CAB39L: variants seen among roughly 807,000 people sequenced by gnomAD.
CAB39L encodes calcium binding protein 39 like.
CAB39L carries 23 observed loss-of-function variants against 39.1 expected under a neutral mutation model. That is an observed-to-expected ratio of 0.59 (90% confidence interval 0.42 to 0.83). CAB39L has a LOEUF of 0.83. Ranked by LOEUF, CAB39L falls within the 40% of genes least tolerant of loss-of-function variation. The pLI is 0.00. For synonymous variants in CAB39L, 126 were observed against 137.2 expected, an observed-to-expected ratio of 0.92 and a Z score of 0.57; for missense variants, 366 against 391.9, an observed-to-expected ratio of 0.93 and a Z score of 0.56.
chr13:49,346,269 C>A (rs1955172755), intron 7 of CAB39L, among the ~76,000 whole-genome samples: 1 of 145,200 alleles, frequency 6.9e-6, no homozygotes, highest in Non-Finnish European at 1.5e-5. Flanking sequence ...TACATACACA[C>A]AGGCTTATGT....
rs1956103939 is a variant in CAB39L at position 49,377,429 on chromosome 13, C to T, written c.112-298G>A. ...TCCCTCTCCCTCTGTCTCCCTCTCCCCACGGTCTCCCTCTCATGCGGAGCC... is the reference window on the plus strand; with the variant it reads ...TCCCTCTCCCTCTGTCTCCCTCTCCTCACGGTCTCCCTCTCATGCGGAGCC... On this transcript the variant is annotated intron_variant, in intron 4 of 10. Transcript: ENST00000409308. Among the ~76,000 whole-genome samples the T allele has an allele frequency of 2.1e-5, 2 of 96,444 alleles. 1 individual carries two copies. The highest frequency in any genetic ancestry group is 4.2e-5 in the Non-Finnish European group (2 of 47,616). The allele number at this position is 96,444 out of a possible 152,430, so 63.3% of individuals were successfully genotyped here.
In CAB39L at chr13:49,444,035, C is replaced by T. The variant is rs1324831728; in HGVS notation, c.-295G>A. Reference sequence around the variant, plus strand: ...TCCAGTGATGCCGGCCTCTCGACTACGAGTAACTCCATTGGCTCAGCTACA... The same window carrying T: ...TCCAGTGATGCCGGCCTCTCGACTATGAGTAACTCCATTGGCTCAGCTACA... On this transcript the variant is annotated 5_prime_UTR_variant, in exon 1 of 11. Transcript: ENST00000409308. The T allele has an allele frequency of 4.4e-6, 2 of 456,330 alleles. No individual in the cohort carries two copies. Among genetic ancestry groups the T allele is most frequent in the South Asian group, 3.1e-5 (2 of 64,530 alleles). 28.3% of individuals were successfully genotyped at this position (456,330 alleles called of 1,614,324 possible).
intron 7 of CAB39L, among the ~76,000 whole-genome samples, chr13:49,346,116 T>TATGCTAGATATATATATATATATGCTAG: frequency 3.5e-5 from 2 of 56,854 alleles, no homozygotes; most frequent in African/African-American, 7.9e-5. Context: ...TATATATATA[T>TATGCTAGATATATATATATATATGCTAG]ATATATATCA....
chr13:49,370,048 C>T (rs1472835676), intron 5 of CAB39L, among the ~76,000 whole-genome samples: 3 of 151,900 alleles, frequency 2.0e-5, no homozygotes, highest in African/African-American at 7.2e-5. Flanking sequence ...TGGTGTGTTG[C>T]GGGGGAGTTG....
At chr13:49,356,467 C>T (rs1684008262) in intron 6 of CAB39L, among the ~76,000 whole-genome samples, 1 of 152,064 alleles carries the variant, frequency 6.6e-6, no homozygotes, top group Non-Finnish European at 1.5e-5. Context: ...TGAGTAAGTC[C>T]TTATTTATAA....
At chr13:49,358,441 A>C (rs1295617616) in intron 6 of CAB39L, among the ~76,000 whole-genome samples, 2 of 152,230 alleles carry the variant, frequency 1.3e-5, no homozygotes, top group Admixed American at 6.5e-5. Context: ...AAAATTGATA[A>C]GTGAAAAATT....
In CAB39L at chr13:49,405,719, GAGGA is replaced by G. The variant is rs548947401; in HGVS notation, c.-31-22782_-31-22779del. On this transcript the variant is annotated intron_variant, in intron 3 of 10. Coordinates refer to ENST00000409308, the MANE Select transcript of CAB39L (RefSeq NM_001079670.3). ...AAAGAAAGAAAGAAAGAAAGAGAGA[GAGGA>G]AGGAAGGAAGGAAGGAAGGAAGGAA... 5.8e-3 allele frequency among the ~76,000 whole-genome samples: 547 copies of G among 95,050 alleles called. 10 individuals carry two copies. The highest frequency in any genetic ancestry group is 7.8e-3 in the Non-Finnish European group (334 of 43,060). The allele number at this position is 95,050 out of a possible 152,430, so 62.4% of individuals were successfully genotyped here.
At chr13:49,410,605 G>A (rs1240789870) in intron 3 of CAB39L, among the ~76,000 whole-genome samples, 1 of 152,148 alleles carries the variant, frequency 6.6e-6, no homozygotes, top group East Asian at 1.9e-4. Context: ...GCTGAGTGAA[G>A]GGACAGAAAA....
chr13:49,328,081 C>T (rs1157707351), intron 10 of CAB39L, among the ~76,000 whole-genome samples: 1 of 152,202 alleles, frequency 6.6e-6, no homozygotes, highest in African/African-American at 2.4e-5. Context: ...ATTTACTGTA[C>T]ATAACCCCTT....
At chr13:49,359,205 A>G (rs1217312780) in intron 6 of CAB39L, among the ~76,000 whole-genome samples, 1 of 152,184 alleles carries the variant, frequency 6.6e-6, no homozygotes, top group Non-Finnish European at 1.5e-5. Context: ...ACATAAAAAT[A>G]ATAATCAGGG....
intron 3 of CAB39L, among the ~76,000 whole-genome samples, chr13:49,417,061 T>A (rs534383596): frequency 3.5e-4 from 53 of 152,378 alleles, no homozygotes; most frequent in African/African-American, 1.2e-3. Context: ...TATGTTGGCA[T>A]CTAAAATCTC....
At chr13:49,358,573 CAA>C (rs1955545008) in intron 6 of CAB39L, among the ~76,000 whole-genome samples, 1 of 151,996 alleles carries the variant, frequency 6.6e-6, no homozygotes, top group South Asian at 2.1e-4. Flanking sequence ...AAGAAAGAGG[CAA>C]AGAGGCCAGG....
intron 4 of CAB39L, among the ~76,000 whole-genome samples, chr13:49,377,878 G>C (rs1248002600): frequency 1.2e-5 from 1 of 83,208 alleles, no homozygotes; most frequent in Non-Finnish European, 2.4e-5. Flanking sequence ...GAGCGTCTCC[G>C]CCCGGCCGCC....
Position 49,370,743 on chromosome 13 carries a change from G to A in CAB39L, c.276+6224C>T, listed in dbSNP as rs375737264. Among the ~76,000 whole-genome samples the A allele has an allele frequency of 9.9e-5, 15 of 152,226 alleles. No homozygotes were observed. In the East Asian group the frequency reaches 2.5e-3, roughly 25 times the overall value. ...AATGTCTGGTACGATCAAACTAATG[G>A]TCACTGTCTTAATTTTATTACAAAC... is the stretch of plus-strand genomic sequence containing the variant. On this transcript the variant is annotated intron_variant, in intron 5 of 10. Coordinates refer to ENST00000409308, the MANE Select transcript of CAB39L (RefSeq NM_001079670.3).
chr13:49,378,232 A>C (rs1254049093), intron 4 of CAB39L, among the ~76,000 whole-genome samples: 1 of 89,226 alleles, frequency 1.1e-5, no homozygotes, highest in Non-Finnish European at 2.3e-5. Flanking sequence ...AGCATCTCCG[A>C]CCGGCAGCCA....
chr13:49,399,348 A>G (rs1319105526), intron 3 of CAB39L, among the ~76,000 whole-genome samples: 1 of 152,078 alleles, frequency 6.6e-6, no homozygotes, highest in East Asian at 1.9e-4. Flanking sequence ...AAGCACCCAG[A>G]AAACCCATAA....
intron 10 of CAB39L, among the ~76,000 whole-genome samples, chr13:49,318,877 C>T (rs1472639915): frequency 6.6e-6 from 1 of 151,682 alleles, no homozygotes; most frequent in Non-Finnish European, 1.5e-5. Flanking sequence ...GTGCAAACAA[C>T]CCAAATGTCC....
chr13:49,312,524 G>A (rs959591341), intron 10 of CAB39L, among the ~76,000 whole-genome samples: 40 of 152,286 alleles, frequency 2.6e-4, no homozygotes, highest in Middle Eastern at 3.4e-3. Flanking sequence ...TGCTCTAGGC[G>A]CAATAGCCCA....
At chr13:49,342,455 T>A (rs1955033333) in intron 8 of CAB39L, among the ~76,000 whole-genome samples, 1 of 152,198 alleles carries the variant, frequency 6.6e-6, no homozygotes, top group Non-Finnish European at 1.5e-5. Flanking sequence ...AAAAAATCCA[T>A]TCATCATACC....
Sources: allele counts gnomAD v4.1 joint callset (sites outside exome capture counted in the v4.1 genomes callset), GRCh38; gene constraint gnomAD v4.1.1; transcripts MANE v1.5; gene names NCBI Gene and HGNC (gene_info 2026-07-23, HGNC 2026-07-21).